PRKCZ: variants seen among roughly 807,000 people sequenced by gnomAD.
PRKCZ encodes protein kinase C zeta.
PRKCZ carries 33 observed loss-of-function variants against 79.5 expected under a neutral mutation model. That is an observed-to-expected ratio of 0.41 (90% CI 0.31 to 0.55). The LOEUF (loss-of-function observed/expected upper bound fraction) is 0.55. Among genes scored for constraint, PRKCZ ranks in the 20% least tolerant of loss-of-function variants. The pLI is 0.19. For synonymous variants in PRKCZ, 342 were observed against 320.9 expected (o/e 1.07, Z -0.70); for missense variants, 578 against 813.5 (o/e 0.71, Z 3.52).
intron 4 of PRKCZ, among the ~76,000 whole-genome samples, chr1:2,081,390 G>T (rs1471877262): frequency 6.6e-6 from 1 of 152,192 alleles, no homozygotes; most frequent in Non-Finnish European, 1.5e-5. Context: ...TCTGGCAGGA[G>T]GGGGCAGGCT....
At chr1:2,163,605 C>CT (rs149613917) in intron 10 of PRKCZ, among the ~76,000 whole-genome samples, 1,734 of 152,218 alleles carry the variant, frequency 0.011, 38 homozygotes, top group African/African-American at 0.04. Context: ...AGAAAAAACA[C>CT]TGAGGCCGGG....
Position 2,174,027 on chromosome 1 carries a change from C to A in PRKCZ, c.1405+11C>A, listed in dbSNP as rs765337884. ...ACTACCTTTTCCAAGGTGCGTGCCC[C>A]GCTGTGCGTTCGTACCCCTCACCTG... On this transcript the variant is annotated intron_variant, in intron 14 of 17. Transcript: ENST00000378567. The surrounding 1 kb of genome is among the most constrained non-coding windows in gnomAD (Gnocchi z 6.2). 2 of 1,593,358 alleles carry A rather than the reference C, an allele frequency of 1.3e-6. No individual in the cohort carries two copies. Among genetic ancestry groups the A allele is most frequent in the Admixed American group, 1.7e-5 (1 of 58,418 alleles).
intron 4 of PRKCZ, among the ~76,000 whole-genome samples, chr1:2,129,479 A>G (rs1246317266): frequency 1.3e-5 from 2 of 152,068 alleles, no homozygotes; most frequent in African/African-American, 4.8e-5. Flanking sequence ...AAGAGGCAGG[A>G]TGGTGACACG....
At chr1:2,133,011 G>A (rs1675303401) in intron 4 of PRKCZ, among the ~76,000 whole-genome samples, 1 of 152,216 alleles carries the variant, frequency 6.6e-6, no homozygotes, top group Non-Finnish European at 1.5e-5. Flanking sequence ...GCGGGGACTG[G>A]GGACGCCGGG....
chr1:2,089,544 C>G (rs987128156), intron 4 of PRKCZ, among the ~76,000 whole-genome samples: 1 of 152,154 alleles, frequency 6.6e-6, no homozygotes, highest in East Asian at 1.9e-4. Context: ...ACAGCCAGAG[C>G]CTTCTCAGAG....
chr1:2,176,482 G>A (rs1212797464), intron 16 of PRKCZ, among the ~76,000 whole-genome samples: 1 of 152,232 alleles, frequency 6.6e-6, no homozygotes, highest in East Asian at 1.9e-4. Context: ...GACCTTGTCT[G>A]AAGCTGAGGA....
At chr1:2,183,219 A>AGTCTCC (rs71578365) in intron 16 of PRKCZ, among the ~76,000 whole-genome samples, 70,588 of 151,200 alleles carry the variant, frequency 0.47, 17,616 homozygotes, top group African/African-American at 0.66. Flanking sequence ...AGACAGAGCG[A>AGTCTCC]GTCTCAAAAC....
intron 11 of PRKCZ, among the ~76,000 whole-genome samples, chr1:2,170,868 C>G (rs1159329791): frequency 1.3e-5 from 2 of 152,240 alleles, no homozygotes; most frequent in Non-Finnish European, 2.9e-5. Context: ...GATGGAGGGG[C>G]CACACTTTGC....
intron 3 of PRKCZ, among the ~76,000 whole-genome samples, chr1:2,059,273 A>C (rs551497653): frequency 1.3e-5 from 2 of 152,380 alleles, no homozygotes; most frequent in Non-Finnish European, 2.9e-5. Flanking sequence ...TAAAAATACA[A>C]ATCAGTAGCT....
chr1:2,119,526 C>T (rs950098045), intron 4 of PRKCZ, among the ~76,000 whole-genome samples: 4 of 152,092 alleles, frequency 2.6e-5, no homozygotes, highest in African/African-American at 9.7e-5. Context: ...AATTATTCTT[C>T]TTTCCTTATT....
chr1:2,167,478 T>G (rs1321610874), intron 10 of PRKCZ, among the ~76,000 whole-genome samples: 1 of 152,040 alleles, frequency 6.6e-6, no homozygotes, highest in East Asian at 1.9e-4. Flanking sequence ...GCAGCAGCAC[T>G]GTTGGGGTGA....
At chr1:2,124,434 C>T (rs533024734) in intron 4 of PRKCZ, among the ~76,000 whole-genome samples, 2 of 149,656 alleles carry the variant, frequency 1.3e-5, no homozygotes, top group African/African-American at 5.0e-5. Context: ...GGGTAGAACC[C>T]TTGTGGTGGG....
intron 4 of PRKCZ, among the ~76,000 whole-genome samples, chr1:2,065,166 G>A (rs538873156): frequency 6.6e-6 from 1 of 152,288 alleles, no homozygotes; most frequent in African/African-American, 2.4e-5. Context: ...GTGTATAAAA[G>A]TGCAGTTGAT....
chr1:2,154,500 C>T (rs904152975), intron 9 of PRKCZ, among the ~76,000 whole-genome samples: 1 of 152,056 alleles, frequency 6.6e-6, no homozygotes, highest in Non-Finnish European at 1.5e-5. Flanking sequence ...CACGAAACTT[C>T]CGGGAGTGGG....
chr1:2,082,350 T>G lies in PRKCZ; in HGVS notation c.334+22759T>G, dbSNP rs1663701644. On this transcript the variant is annotated intron_variant, in intron 4 of 17. Coordinates refer to ENST00000378567, the MANE Select transcript of PRKCZ (RefSeq NM_002744.6). The surrounding 1 kb of genome is among the most constrained non-coding windows in gnomAD (Gnocchi z 4.4). ...ACTTGGCAAATCACCTCTTTCAAGTTGCCGGCTACCCGGCTGCCGTAGACA... is the reference window on the plus strand; with the variant it reads ...ACTTGGCAAATCACCTCTTTCAAGTGGCCGGCTACCCGGCTGCCGTAGACA... 1 of 455,756 alleles carries G rather than the reference T, an allele frequency of 2.2e-6. No homozygotes were observed. The highest frequency in any genetic ancestry group is 4.4e-6 in the Non-Finnish European group (1 of 226,818). 28.2% of individuals were successfully genotyped at this position (455,756 alleles called of 1,614,324 possible). A position where few individuals can be genotyped will look rare whatever the true frequency, so the allele number is the denominator to read the frequency against.
chr1:2,124,337 GTGGT>G (rs1218370905), intron 4 of PRKCZ, among the ~76,000 whole-genome samples: 1 of 123,512 alleles, frequency 8.1e-6, no homozygotes, highest in Admixed American at 8.5e-5. Flanking sequence ...GGTCACGGTG[GTGGT>G]TAGGGTCACG....
intron 4 of PRKCZ, among the ~76,000 whole-genome samples, chr1:2,062,252 G>T (rs1177505133): frequency 1.3e-5 from 2 of 151,962 alleles, no homozygotes; most frequent in Non-Finnish European, 2.9e-5. Context: ...CCCGTCATCG[G>T]TCACTCCCTG....
intron 1 of PRKCZ, among the ~76,000 whole-genome samples, chr1:2,053,979 G>A (rs866387019): frequency 6.6e-6 from 1 of 152,172 alleles, no homozygotes; most frequent in Admixed American, 6.5e-5. Context: ...TAGCTGGGGC[G>A]TCTGTCCCCC....
intron 17 of PRKCZ, 84 bp from the exon 18 acceptor site, chr1:2,184,838 G>A (rs984464391): frequency 2.1e-5 from 30 of 1,415,104 alleles, no homozygotes; most frequent in African/African-American, 7.1e-5. Flanking sequence ...GTTGGGGGAG[G>A]ATTCTTATGC....
Sources: gnomAD v4.1 joint callset for allele counts (sites outside exome capture counted in the v4.1 genomes callset) on GRCh38, gnomAD v4.1.1 for gene constraint, Gnocchi (gnomAD v3.1) non-coding constraint, MANE v1.5 for transcripts, NCBI Gene and HGNC (gene_info 2026-07-23, HGNC 2026-07-21) for gene names.